The following SHQ1 variants were observed in gnomAD, a reference collection of about 807,000 sequenced individuals.
SHQ1 encodes SHQ1, H/ACA ribonucleoprotein assembly factor, also known as protein SHQ1 homolog.
Under a neutral mutation model 53.8 loss-of-function variants are expected in SHQ1, and 49 were observed. That is an observed-to-expected ratio of 0.91 (90% CI 0.72 to 1.16). The LOEUF (loss-of-function observed/expected upper bound fraction) is 1.16. SHQ1 is among the 50% of genes most tolerant of loss of function. The pLI is 0.00. For synonymous variants in SHQ1, 243 were observed against 251.0 expected, an observed-to-expected ratio of 0.97 and a Z score of 0.30; for missense variants, 738 against 683.1, an observed-to-expected ratio of 1.08 and a Z score of -0.90.
the SHQ1 span, among the ~76,000 whole-genome samples, chr3:72,729,346 C>T: frequency 2.6e-5 from 4 of 152,148 alleles, no homozygotes; most frequent in Admixed American, 2.6e-4. Context: ...GAGAAATCGC[C>T]AATGTGACCT....
At position 72,749,278 on chromosome 3, in the gene SHQ1, T is replaced by G. The variant is rs1407735142; in HGVS notation, c.*1006A>C. The G allele has an allele frequency of 9.0e-6, 2 of 222,792 alleles. No homozygotes were observed. Among genetic ancestry groups the G allele is most frequent in the East Asian group, 1.3e-4 (2 of 15,500 alleles). 13.8% of individuals were successfully genotyped at this position (222,792 alleles called of 1,614,324 possible). On this transcript the variant is annotated 3_prime_UTR_variant, in exon 11 of 11. Coordinates refer to ENST00000325599, the MANE Select transcript of SHQ1 (RefSeq NM_018130.3). The stretch of plus-strand genomic sequence containing the variant: ...GAAAGCATACGTCCACATGAAGACT[T>G]GTACACAAATGTTCATAACAGCTTT...
At chr3:72,845,130 CAA>C (rs1559703804) in intron 1 of SHQ1, among the ~76,000 whole-genome samples, 1 of 151,946 alleles carries the variant, frequency 6.6e-6, no homozygotes, top group Non-Finnish European at 1.5e-5. Flanking sequence ...AAGCAGAAAG[CAA>C]AAGTGTCAAA....
intron 10 of SHQ1, among the ~76,000 whole-genome samples, chr3:72,754,007 A>G (rs944862335): frequency 2.6e-5 from 4 of 152,212 alleles, no homozygotes; most frequent in African/African-American, 9.6e-5. Flanking sequence ...AAATTTGGGA[A>G]AGTGGATACT....
intron 10 of SHQ1, chr3:72,772,478 T>C (rs1705875920): frequency 2.0e-6 from 1 of 502,988 alleles, no homozygotes; most frequent in African/African-American, 1.9e-5. Flanking sequence ...GATCTTCAAA[T>C]GCACATACAG....
Position 72,848,313 on chromosome 3 carries a change from G to C in SHQ1, c.28C>G (p.Gln10Glu), listed in dbSNP as rs534478546. The C allele has an allele frequency of 2.5e-6, 4 of 1,614,142 alleles. No individual in the cohort carries two copies. Among genetic ancestry groups the C allele is most frequent in the East Asian group, 2.2e-5 (1 of 44,862 alleles). MLTPAFDLSQDPDFLTIAIR... is the reference protein window; with the variant it reads MLTPAFDLSEDPDFLTIAIR... The stretch of plus-strand genomic sequence containing the variant: ...GCGATAGTCAGGAAGTCCGGATCCT[G>C]GCTGAGGTCGAACGCCGGGGTCAGC... Residue 10 changes from glutamine to glutamate, a missense_variant, in exon 1 of 11, where the codon CAG (glutamine) becomes GAG (glutamate). Physicochemically the swap from Gln to Glu is conservative, Grantham distance 29 (BLOSUM62 2). Transcript: ENST00000325599.
At chr3:72,760,137 C>G (rs1705576895) in intron 10 of SHQ1, among the ~76,000 whole-genome samples, 1 of 152,174 alleles carries the variant, frequency 6.6e-6, no homozygotes, top group African/African-American at 2.4e-5. Context: ...TCAAGCACAT[C>G]CCCCATATCA....
chr3:72,788,486 G>A (rs983648076), intron 10 of SHQ1, among the ~76,000 whole-genome samples: 1 of 150,198 alleles, frequency 6.7e-6, no homozygotes, highest in African/African-American at 2.5e-5. Flanking sequence ...GGCAGCCGCC[G>A]CGTCCGGGAG....
At chr3:72,728,664 G>T in the SHQ1 span, among the ~76,000 whole-genome samples, 1 of 152,194 alleles carries the variant, frequency 6.6e-6, no homozygotes, top group East Asian at 1.9e-4. Context: ...GTGTGACTTG[G>T]GGTAAAGTAT....
At chr3:72,831,724 C>G (rs2106922781) in intron 5 of SHQ1, among the ~76,000 whole-genome samples, 1 of 152,332 alleles carries the variant, frequency 6.6e-6, no homozygotes, top group Middle Eastern at 3.4e-3. Context: ...TGGGAGGTAT[C>G]ACAATCTCTC....
At chr3:72,788,632 C>T (rs1706332502) in intron 10 of SHQ1, among the ~76,000 whole-genome samples, 1 of 152,152 alleles carries the variant, frequency 6.6e-6, no homozygotes, top group African/African-American at 2.4e-5. Flanking sequence ...TTTTGTCGAA[C>T]AGAAAAGGGG....
downstream of SHQ1, among the ~76,000 whole-genome samples, chr3:72,747,430 G>C (rs932723488): frequency 3.9e-5 from 6 of 152,168 alleles, no homozygotes; most frequent in African/African-American, 1.4e-4. Context: ...TCCAAACTCT[G>C]AACTTCAGGC....
Position 72,848,297 on chromosome 3 carries a change from A to G in SHQ1, c.44T>C (p.Leu15Pro). 1 of 1,614,144 alleles carries G rather than the reference A, an allele frequency of 6.2e-7. No homozygotes were observed. The highest frequency in any genetic ancestry group is 8.5e-7 in the Non-Finnish European group (1 of 1,180,020). ...GTAGGGCACGCGGATGGCGATAGTC[A>G]GGAAGTCCGGATCCTGGCTGAGGTC... is the stretch of plus-strand genomic sequence containing the variant. ...AFDLSQDPDF[L>P]TIAIRVPYAR... Residue 15 changes from leucine to proline, a missense_variant, in exon 1 of 11, where the codon CTG becomes CCG. Leu to Pro is a moderately conservative substitution (Grantham distance 98). Transcript: ENST00000325599.
chr3:72,757,536 C>T (rs911840804), intron 10 of SHQ1, among the ~76,000 whole-genome samples: 36 of 149,844 alleles, frequency 2.4e-4, no homozygotes, highest in African/African-American at 7.2e-4. Context: ...ACTACGGGTA[C>T]GTGCCACTGA....
At chr3:72,798,642 T>C (rs920142925) in intron 9 of SHQ1, among the ~76,000 whole-genome samples, 7 of 152,172 alleles carry the variant, frequency 4.6e-5, no homozygotes, top group African/African-American at 9.7e-5. Flanking sequence ...AAAGACAAGA[T>C]TGAGCTGTTT....
intron 9 of SHQ1, among the ~76,000 whole-genome samples, chr3:72,799,163 A>AAAT (rs1160289775): frequency 2.6e-5 from 4 of 152,052 alleles, no homozygotes; most frequent in Admixed American, 2.0e-4. Flanking sequence ...ACAAAAAAAA[A>AAAT]AATAATAATA....
chr3:72,844,244 G>C, intron 2 of SHQ1, 115 bp downstream of exon 2: 1 of 810,840 alleles, frequency 1.2e-6, no homozygotes, highest in Admixed American at 2.3e-5. Context: ...AGAGTGATAG[G>C]AACAGATTGT....
chr3:72,768,077 G>C (rs1401926362), intron 10 of SHQ1, among the ~76,000 whole-genome samples: 1 of 152,164 alleles, frequency 6.6e-6, no homozygotes, highest in Non-Finnish European at 1.5e-5. Flanking sequence ...GCTGTCAGCA[G>C]GGAGCACAGA....
chr3:72,775,218 A>G (rs1372474141), intron 10 of SHQ1, among the ~76,000 whole-genome samples: 1 of 151,982 alleles, frequency 6.6e-6, no homozygotes, highest in Non-Finnish European at 1.5e-5. Context: ...GAGAGACAGC[A>G]TGATTATCAG....
At chr3:72,759,324 T>C (rs1056168351) in intron 10 of SHQ1, among the ~76,000 whole-genome samples, 6 of 152,116 alleles carry the variant, frequency 3.9e-5, no homozygotes, top group Admixed American at 6.6e-5. Context: ...TAGAGGATAA[T>C]AGACCAGAAA....
Sources: gnomAD v4.1 joint callset for allele counts (sites outside exome capture counted in the v4.1 genomes callset) on GRCh38, gnomAD v4.1.1 for gene constraint, MANE v1.5 for transcripts, NCBI Gene and HGNC (gene_info 2026-07-23, HGNC 2026-07-21) for gene names.